The following PSG9 variants were observed in gnomAD, a reference collection of about 807,000 sequenced individuals.
PSG9 encodes the protein pregnancy specific beta-1-glycoprotein 9.
Under a neutral mutation model 41.9 loss-of-function variants are expected in PSG9, and 49 were observed. That is an observed-to-expected ratio of 1.17 (90% CI 0.93 to 1.48). The LOEUF is 1.48. PSG9 is among the 40% of genes most tolerant of loss of function. PSG9 has a pLI of 0.00. For missense variants in PSG9, 641 were observed against 520.3 expected (o/e 1.23, Z -2.26); for synonymous variants, 263 against 196.8 (o/e 1.34, Z -2.82).
At chr19:43,261,753 G>A (rs1353012835) in intron 3 of PSG9, 107 bp downstream of exon 3, 40 of 1,611,984 alleles carry the variant, frequency 2.5e-5, no homozygotes, top group Non-Finnish European at 3.4e-5. Flanking sequence ...TGATGTCTAG[G>A]GGTAAAGGTC....
intron 2 of PSG9, among the ~76,000 whole-genome samples, chr19:43,262,748 G>T (rs1265016047): frequency 6.6e-6 from 1 of 152,134 alleles, no homozygotes; most frequent in African/African-American, 2.4e-5. Flanking sequence ...TTTCCCAGGT[G>T]TCTCATAGTG....
At chr19:43,266,203 A>G (rs1311940106) in intron 2 of PSG9, among the ~76,000 whole-genome samples, 1 of 151,908 alleles carries the variant, frequency 6.6e-6, no homozygotes, top group Non-Finnish European at 1.5e-5. Context: ...AGGACCAAGG[A>G]GCCCTGAGAA....
chr19:43,261,851 G>A lies in PSG9; in HGVS notation c.709+9C>T, dbSNP rs146026908. 9 of 1,613,930 alleles carry A rather than the reference G, an allele frequency of 5.6e-6. No homozygotes were observed. Among genetic ancestry groups the A allele is most frequent in the Middle Eastern group, 1.6e-4 (1 of 6,080 alleles). ...CAGCCTGGCTCACAGAGGAACAGAA[G>A]ATACTCACGGAGGAGATTCAGGGTG... On this transcript the variant is annotated intron_variant, in intron 3 of 5. Coordinates refer to ENST00000270077, the MANE Select transcript of PSG9 (RefSeq NM_002784.5).
intron 2 of PSG9, among the ~76,000 whole-genome samples, chr19:43,263,177 G>C (rs963140154): frequency 1.2e-4 from 18 of 152,228 alleles, no homozygotes; most frequent in Admixed American, 8.5e-4. Context: ...ATAGTAGTTT[G>C]CAGGAGCTGG....
intron 2 of PSG9, among the ~76,000 whole-genome samples, chr19:43,266,827 T>G (rs1252311887): frequency 2.0e-5 from 3 of 152,004 alleles, no homozygotes; most frequent in Admixed American, 6.6e-5. Context: ...CTCCCCTTTG[T>G]GTTTGTGTGA....
intron 5 of PSG9, among the ~76,000 whole-genome samples, chr19:43,256,341 C>A (rs1350446664): frequency 6.8e-6 from 1 of 146,556 alleles, no homozygotes; most frequent in Admixed American, 6.8e-5. Flanking sequence ...ATGGATAAAT[C>A]GGACTTCACA....
At chr19:43,266,053 G>A (rs896676911) in intron 2 of PSG9, among the ~76,000 whole-genome samples, 2 of 151,800 alleles carry the variant, frequency 1.3e-5, no homozygotes, top group African/African-American at 4.8e-5. Context: ...GCAGGACAGG[G>A]CTTGCCAGTC....
Position 43,258,945 on chromosome 19 carries a change from G to A in PSG9, c.900C>T (p.Val300=), listed in dbSNP as rs1968574981. The change falls in exon 4 of 6, where the codon GTC becomes GTT. Residue 300 remains valine (V), a synonymous_variant. Coordinates refer to ENST00000270077, the MANE Select transcript of PSG9 (RefSeq NM_002784.5). ...IENRILILPS[V]TRNETGPYQC... ...GATAGGGTCCTGTTTCATTTCTCGT[G>A]ACACTGGGTAGAATGAGTATCCTGT... is the stretch of plus-strand genomic sequence containing the variant. The A allele has an allele frequency of 1.3e-6, 2 of 1,590,182 alleles. 1 individual carries two copies. The highest frequency in any genetic ancestry group is 2.8e-5 in the African/African-American group (2 of 70,388).
intron 2 of PSG9, among the ~76,000 whole-genome samples, chr19:43,265,634 A>C (rs62115907): frequency 0.051 from 7,803 of 152,172 alleles, 308 homozygotes; most frequent in Middle Eastern, 0.082. Flanking sequence ...AATAATAAAC[A>C]TCCGTCCTCC....
At chr19:43,262,282 G>A in intron 2 of PSG9, 144 bp from the exon 3 acceptor site, 1 of 1,459,300 alleles carries the variant, frequency 6.9e-7, no homozygotes, top group Non-Finnish European at 9.2e-7. Flanking sequence ...TTACAAGACA[G>A]ATGCATGGCA....
chr19:43,257,872 G>C, intron 5 of PSG9: 1 of 1,386,042 alleles, frequency 7.2e-7, no homozygotes, highest in Non-Finnish European at 9.3e-7. Flanking sequence ...GGCAGAAGGG[G>C]ATGTGTCGGT....
chr19:43,257,651 C>G (rs16976391), intron 5 of PSG9: 1 of 1,032,230 alleles, frequency 9.7e-7, no homozygotes, highest in Non-Finnish European at 1.2e-6. Flanking sequence ...CCACCAGGGC[C>G]CTTTCTACAC....
chr19:43,261,245 C>T (rs139152133), intron 3 of PSG9, among the ~76,000 whole-genome samples: 2 of 150,478 alleles, frequency 1.3e-5, no homozygotes, highest in African/African-American at 4.9e-5. Context: ...ATTTGTTCCA[C>T]CAGTGGCTGA....
chr19:43,254,171 A>G (rs1026660108), intron 5 of PSG9, among the ~76,000 whole-genome samples: 2 of 146,052 alleles, frequency 1.4e-5, no homozygotes, highest in African/African-American at 2.6e-5. Flanking sequence ...CCTGTGCTCA[A>G]TACTTTACCT....
In PSG9 at chr19:43,258,120, A is replaced by G. The variant is rs3180656; in HGVS notation, c.1243+82T>C. 10 of 1,590,640 alleles carry G rather than the reference A, an allele frequency of 6.3e-6. 1 individual carries two copies. In the Admixed American group the frequency reaches 1.5e-4, roughly 24 times the overall value. On this transcript the variant is annotated intron_variant, in intron 5 of 5. Coordinates refer to ENST00000270077, the MANE Select transcript of PSG9 (RefSeq NM_002784.5). The stretch of plus-strand genomic sequence containing the variant: ...GCCCATGGGACACAGGCTGGGAATA[A>G]AAATGTTTTCCTGACTCTTCTCTGA...
At chr19:43,254,887 G>T (rs1171134098) in intron 5 of PSG9, among the ~76,000 whole-genome samples, 1 of 144,408 alleles carries the variant, frequency 6.9e-6, no homozygotes, top group Non-Finnish European at 1.5e-5. Context: ...CCAGGTGTTT[G>T]GACCAGCATA....
chr19:43,267,056 C>A (rs774652317), intron 2 of PSG9, among the ~76,000 whole-genome samples: 5 of 152,166 alleles, frequency 3.3e-5, no homozygotes, highest in Non-Finnish European at 7.4e-5. Context: ...TCCCTGTGGA[C>A]AAGCTGCTAC....
rs1309072316 is a variant in PSG9 at position 43,258,497 on chromosome 19, G to A, written c.989-41C>T. The stretch of plus-strand genomic sequence containing the variant: ...TAAAGCCACACGTGATGTCATTCGA[G>A]GGAAGGGGATGTTCCTGGTCTCTTA... On this transcript the variant is annotated intron_variant, in intron 4 of 5. Transcript: ENST00000270077. 3.3e-6 allele frequency: 5 copies of A among 1,524,800 alleles called. No individual in the cohort carries two copies. The African/African-American group carries it at 7.4e-5, about 23-fold the overall frequency. 94.5% of individuals were successfully genotyped at this position (1,524,800 alleles called of 1,614,324 possible). A position where few individuals can be genotyped will look rare whatever the true frequency, so the allele number is the denominator to read the frequency against.
chr19:43,266,659 C>T (rs963665062), intron 2 of PSG9, among the ~76,000 whole-genome samples: 6 of 152,094 alleles, frequency 3.9e-5, no homozygotes, highest in African/African-American at 9.7e-5. Context: ...GACTAATCAG[C>T]TGACCATTTG....
Sources: gnomAD v4.1 joint callset for allele counts (sites outside exome capture counted in the v4.1 genomes callset) on GRCh38, gnomAD v4.1.1 for gene constraint, MANE v1.5 for transcripts, NCBI Gene and HGNC (gene_info 2026-07-23, HGNC 2026-07-21) for gene names.